C1QTNF7: variants seen among roughly 807,000 people sequenced by gnomAD.
The protein encoded by C1QTNF7 is complement C1q tumor necrosis factor-related protein 7.
C1QTNF7 carries 15 observed loss-of-function variants against 19.6 expected under a neutral mutation model. That is an observed-to-expected ratio of 0.76 (90% CI 0.51 to 1.18). The LOEUF (loss-of-function observed/expected upper bound fraction) is 1.18. Among genes scored for constraint, C1QTNF7 ranks in the 50% most tolerant of loss-of-function variants. The probability of loss-of-function intolerance (pLI) is 0.00; values close to 1 mark genes in which losing one functional copy is unlikely to be tolerated. For missense variants in C1QTNF7, 324 were observed against 359.7 expected, an observed-to-expected ratio of 0.90 and a Z score of 0.80; for synonymous variants, 142 against 137.5, an observed-to-expected ratio of 1.03 and a Z score of -0.23.
At chr4:15,437,379 C>T (rs1712579830) in intron 2 of C1QTNF7, among the ~76,000 whole-genome samples, 1 of 151,878 alleles carries the variant, frequency 6.6e-6, no homozygotes, top group Non-Finnish European at 1.5e-5. Flanking sequence ...GGAAAGAGTA[C>T]ATGCAAAACC....
chr4:15,357,914 T>C (rs1717203092), intron 1 of C1QTNF7, among the ~76,000 whole-genome samples: 1 of 152,258 alleles, frequency 6.6e-6, no homozygotes, highest in Non-Finnish European at 1.5e-5. Context: ...GGAATGCATG[T>C]AATTTTTGCA....
intron 1 of C1QTNF7, among the ~76,000 whole-genome samples, chr4:15,347,894 A>C (rs1208030817): frequency 6.6e-6 from 1 of 152,180 alleles, no homozygotes; most frequent in Non-Finnish European, 1.5e-5. Flanking sequence ...GGCCTGTTTT[A>C]GTTCATAGTT....
At chr4:15,394,059 G>A (rs985439254) in intron 1 of C1QTNF7, among the ~76,000 whole-genome samples, 3 of 152,214 alleles carry the variant, frequency 2.0e-5, no homozygotes, top group Non-Finnish European at 4.4e-5. Context: ...CATGAAGTTT[G>A]AGCAGAACCC....
intron 1 of C1QTNF7, among the ~76,000 whole-genome samples, chr4:15,402,206 T>C (rs1719018946): frequency 1.3e-5 from 2 of 152,064 alleles, no homozygotes; most frequent in Admixed American, 6.6e-5. Flanking sequence ...CACCAGAAAA[T>C]AGCAGAGCAA....
chr4:15,342,638 C>T (rs1716585114), intron 1 of C1QTNF7, among the ~76,000 whole-genome samples: 1 of 152,118 alleles, frequency 6.6e-6, no homozygotes, highest in Admixed American at 6.6e-5. Flanking sequence ...GGCCAGGGGT[C>T]CCCAGGCAGA....
At chr4:15,402,769 A>G (rs1052510014) in intron 1 of C1QTNF7, among the ~76,000 whole-genome samples, 2 of 152,130 alleles carry the variant, frequency 1.3e-5, no homozygotes, top group Non-Finnish European at 2.9e-5. Context: ...CTTCAGTTGG[A>G]TTCTAGTTTA....
At chr4:15,428,973 G>C (rs1712183511) in intron 1 of C1QTNF7, among the ~76,000 whole-genome samples, 1 of 152,200 alleles carries the variant, frequency 6.6e-6, no homozygotes, top group South Asian at 2.1e-4. Flanking sequence ...ACATGATGTA[G>C]GGACAAACTC....
At chr4:15,413,912 C>T (rs1719494987) in intron 1 of C1QTNF7, among the ~76,000 whole-genome samples, 1 of 152,192 alleles carries the variant, frequency 6.6e-6, no homozygotes, top group South Asian at 2.1e-4. Flanking sequence ...AGAGAGCAAC[C>T]TAGAGTCAAA....
At chr4:15,397,200 A>G (rs891709754) in intron 1 of C1QTNF7, among the ~76,000 whole-genome samples, 3 of 152,218 alleles carry the variant, frequency 2.0e-5, no homozygotes, top group Non-Finnish European at 4.4e-5. Flanking sequence ...ATGGGAGTAC[A>G]ATCCAAGATG....
chr4:15,424,134 T>A (rs966267880), upstream of C1QTNF7, among the ~76,000 whole-genome samples: 1 of 152,208 alleles, frequency 6.6e-6, no homozygotes, highest in African/African-American at 2.4e-5. Context: ...TCCAGTTACA[T>A]GAACAATTTT....
chr4:15,348,046 T>C (rs1398391717), intron 1 of C1QTNF7, among the ~76,000 whole-genome samples: 2 of 152,148 alleles, frequency 1.3e-5, no homozygotes, highest in East Asian at 3.9e-4. Context: ...CTGGAAGTAT[T>C]AAATGAGATA....
intron 1 of C1QTNF7, among the ~76,000 whole-genome samples, chr4:15,432,019 G>A (rs1712334150): frequency 6.6e-6 from 1 of 152,176 alleles, no homozygotes; most frequent in Non-Finnish European, 1.5e-5. Flanking sequence ...TGAAGAGGGA[G>A]ATGAAGAAGT....
At chr4:15,361,339 A>T (rs1001643265) in intron 1 of C1QTNF7, 1 of 151,894 alleles carries the variant, frequency 6.6e-6, no homozygotes, top group African/African-American at 2.4e-5. Context: ...TGGAATGATT[A>T]AAAAAAAGAA....
chr4:15,429,757 A>T (rs1193926848), intron 1 of C1QTNF7, among the ~76,000 whole-genome samples: 1 of 152,118 alleles, frequency 6.6e-6, no homozygotes, highest in East Asian at 1.9e-4. Flanking sequence ...TATTTGTTTG[A>T]GTCCCTGATT....
At chr4:15,365,751 T>TTCTCCAC (rs1226373808) in intron 1 of C1QTNF7, among the ~76,000 whole-genome samples, 4 of 152,178 alleles carry the variant, frequency 2.6e-5, no homozygotes, top group African/African-American at 9.7e-5. Flanking sequence ...TCATACATGG[T>TTCTCCAC]GGAGAAGATG....
chr4:15,424,954 G>A (rs2108929299), upstream of C1QTNF7, among the ~76,000 whole-genome samples: 1 of 152,156 alleles, frequency 6.6e-6, no homozygotes, highest in Non-Finnish European at 1.5e-5. Context: ...TTCCTCACTA[G>A]ATTTTGTCTC....
intron 1 of C1QTNF7, among the ~76,000 whole-genome samples, chr4:15,402,496 T>C (rs1457266209): frequency 6.6e-6 from 1 of 152,120 alleles, no homozygotes; most frequent in East Asian, 1.9e-4. Context: ...TAAGCAACAG[T>C]GGGAATTATT....
At chr4:15,441,950 G>A (rs143623429) in intron 2 of C1QTNF7, among the ~76,000 whole-genome samples, 2,860 of 152,186 alleles carry the variant, frequency 0.019, 41 homozygotes, top group East Asian at 0.047. Context: ...GAACCCGGAA[G>A]GCGGAGGTTG....
At chr4:15,407,533 C>T (rs894353112) in intron 1 of C1QTNF7, among the ~76,000 whole-genome samples, 7 of 152,204 alleles carry the variant, frequency 4.6e-5, no homozygotes, top group Non-Finnish European at 7.3e-5. Flanking sequence ...GGATATCACA[C>T]ATTTCCTTTC....
Sources: gnomAD v4.1 joint callset for allele counts (sites outside exome capture counted in the v4.1 genomes callset) on GRCh38, gnomAD v4.1.1 for gene constraint, MANE v1.5 for transcripts, NCBI Gene and HGNC (gene_info 2026-07-23, HGNC 2026-07-21) for gene names.